Variants in FYB1 observed in about 807,000 individuals in gnomAD.
FYB1 encodes the protein FYN binding protein 1.
In FYB1, 41 loss-of-function variants were observed where a neutral mutation model predicts 94.1. The observed-to-expected ratio is 0.44, with a 90% CI of 0.34 to 0.57. The LOEUF is 0.57. Ranked by LOEUF, FYB1 falls within the 20% of genes least tolerant of loss-of-function variation. FYB1 has a pLI of 0.02. For synonymous variants in FYB1, 367 were observed against 353.2 expected (o/e 1.04, Z -0.44); for missense variants, 1,050 against 976.8 (o/e 1.07, Z -1.00).
rs1158866608 is a variant in FYB1, at chr5:39,202,923, T to A, written c.38A>T (p.Asp13Val). The change falls in exon 2 of 19, where the codon GAT (aspartate) becomes GTT (valine). Residue 13 changes from aspartate to valine, a missense_variant. Asp to Val is a radical substitution (Grantham distance 152). Transcript: ENST00000512982. ...GAAGGGTCGGCTATTGACTGAGACA[T>A]CCTCTGTCGGGTTGCCCCCCGTGTT... is the stretch of plus-strand genomic sequence containing the variant. ...KYNTGGNPTE[D>V]VSVNSRPFRV... 1.9e-6 allele frequency: 3 copies of A among 1,613,854 alleles called. No homozygotes were observed. The Admixed American group carries it at 5.0e-5, about 27-fold the overall frequency.
At chr5:39,115,337 C>T (rs1373337327) in intron 16 of FYB1, among the ~76,000 whole-genome samples, 2 of 151,970 alleles carry the variant, frequency 1.3e-5, no homozygotes, top group East Asian at 1.9e-4. Context: ...TAAAGTGATC[C>T]GCCCACCTCC....
intron 1 of FYB1, among the ~76,000 whole-genome samples, chr5:39,242,970 C>T (rs1751285807): frequency 1.3e-5 from 2 of 152,246 alleles, no homozygotes; most frequent in South Asian, 4.1e-4. Flanking sequence ...ATCCTTTGCC[C>T]ACTTTTTGAT....
upstream of FYB1, among the ~76,000 whole-genome samples, chr5:39,222,225 T>G (rs1459894432): frequency 6.6e-6 from 1 of 152,130 alleles, no homozygotes; most frequent in African/African-American, 2.4e-5. Context: ...TCTGGCGTCT[T>G]GTACTCTCTC....
intron 1 of FYB1, among the ~76,000 whole-genome samples, chr5:39,233,706 T>C (rs1026424324): frequency 1.3e-5 from 2 of 152,158 alleles, no homozygotes; most frequent in Non-Finnish European, 2.9e-5. Context: ...AGCTGTATCC[T>C]GATGTTTGCT....
At chr5:39,126,796 C>T (rs191769743) in intron 11 of FYB1, among the ~76,000 whole-genome samples, 2 of 150,860 alleles carry the variant, frequency 1.3e-5, no homozygotes, top group African/African-American at 4.9e-5. Flanking sequence ...CAGTGGCTCA[C>T]GCCTGTAATC....
At chr5:39,200,736 T>C (rs878909715) in intron 2 of FYB1, among the ~76,000 whole-genome samples, 1 of 152,178 alleles carries the variant, frequency 6.6e-6, no homozygotes, top group Non-Finnish European at 1.5e-5. Context: ...AGATAACATA[T>C]CGCAAGATGT....
intron 9 of FYB1, 113 bp from the exon 10 acceptor site, chr5:39,130,725 G>T: frequency 1.2e-6 from 1 of 841,424 alleles, no homozygotes; most frequent in Non-Finnish European, 1.9e-6. Flanking sequence ...CCAGTCGAAA[G>T]TTCTTAGAAT....
intron 15 of FYB1, among the ~76,000 whole-genome samples, 194 bp downstream of exon 15, chr5:39,119,340 TA>T (rs1007784028): frequency 6.6e-6 from 1 of 152,104 alleles, no homozygotes; most frequent in Admixed American, 6.6e-5. Context: ...AAAATAAATT[TA>T]AATCTAAAAT....
At chr5:39,123,913 T>C (rs1740371356) in intron 13 of FYB1, among the ~76,000 whole-genome samples, 2 of 152,182 alleles carry the variant, frequency 1.3e-5, no homozygotes, top group Non-Finnish European at 2.9e-5. Flanking sequence ...TGGAATGTTT[T>C]TAGATATCCT....
chr5:39,159,732 C>A (rs11739971), intron 2 of FYB1, among the ~76,000 whole-genome samples: 85,764 of 152,032 alleles, frequency 0.56, 28,215 homozygotes, highest in South Asian at 0.73. Context: ...TTCCTCCTTG[C>A]ACATTCTAAC....
intron 11 of FYB1, among the ~76,000 whole-genome samples, chr5:39,126,347 T>C (rs1740668663): frequency 6.7e-6 from 1 of 150,134 alleles, no homozygotes; most frequent in African/African-American, 2.5e-5. Flanking sequence ...CATTTTTTTT[T>C]CTATCAAGTG....
At position 39,202,048 on chromosome 5, in the gene FYB1, C is replaced by T. The variant is rs778631389; in HGVS notation, c.913G>A (p.Ala305Thr). The T allele has an allele frequency of 4.1e-5, 66 of 1,613,908 alleles. 1 individual carries two copies. The highest frequency in any genetic ancestry group is 1.6e-4 in the Middle Eastern group (1 of 6,084). Residue 305 changes from alanine (A) to threonine (T), a missense_variant, in exon 2 of 19, where the codon GCC becomes ACC. Coordinates refer to ENST00000512982, the MANE Select transcript of FYB1 (RefSeq NM_001465.6). ...AACCTGGCAGGAGGAGTCCCTGAGG[C>T]CAACTCTTCCTGATTTATTTTGCTC... is the stretch of plus-strand genomic sequence containing the variant. ...FQSKINQEEL[A>T]SGTPPARFPK...
rs561333919 is a variant in FYB1 at position 39,190,922 on chromosome 5, T to C, written c.1135+10904A>G. The stretch of plus-strand genomic sequence containing the variant: ...AGCTGCAATCTAGATCCTCAATGAC[T>C]GAGAGCACATGAGGCAACCTCAACT... On this transcript the variant is annotated intron_variant, in intron 2 of 18. Coordinates refer to ENST00000512982, the MANE Select transcript of FYB1 (RefSeq NM_001465.6). 2.6e-5 allele frequency among the ~76,000 whole-genome samples: 4 copies of C among 152,118 alleles called. No homozygotes were observed. The South Asian group carries it at 8.3e-4, about 32-fold the overall frequency.
At chr5:39,187,778 T>C (rs1409480626) in intron 2 of FYB1, among the ~76,000 whole-genome samples, 1 of 152,158 alleles carries the variant, frequency 6.6e-6, no homozygotes, top group East Asian at 1.9e-4. Context: ...ATTTTCAAAG[T>C]CTATTTGTTG....
At chr5:39,125,363 G>T (rs990906516) in intron 12 of FYB1, among the ~76,000 whole-genome samples, 1 of 151,960 alleles carries the variant, frequency 6.6e-6, no homozygotes, top group Non-Finnish European at 1.5e-5. Context: ...TTATACTAAA[G>T]GATTATTTTT....
intron 2 of FYB1, among the ~76,000 whole-genome samples, chr5:39,168,355 C>G (rs571862639): frequency 6.6e-6 from 1 of 151,988 alleles, no homozygotes; most frequent in South Asian, 2.1e-4. Context: ...CACTTGTTAG[C>G]CTGAGACAAG....
At position 39,122,322 on chromosome 5, in the gene FYB1, A is replaced by G; in HGVS notation, c.2138+14T>C. 6.6e-7 allele frequency: 1 copy of G among 1,509,452 alleles called. No homozygotes were observed. 93.5% of individuals were successfully genotyped at this position (1,509,452 alleles called of 1,614,324 possible). A position where few individuals can be genotyped will look rare whatever the true frequency, so the allele number is the denominator to read the frequency against. On this transcript the variant is annotated intron_variant, in intron 14 of 18. Transcript: ENST00000512982. ...ATTTTCATTACTTCATTGTAATGAA[A>G]GCATTTTAATTACCTCATCTCTGCT...
At position 39,106,358 on chromosome 5, in the gene FYB1, T is replaced by C. The variant is rs1580274354; in HGVS notation, c.*1085A>G. On this transcript the variant is annotated 3_prime_UTR_variant, in exon 19 of 19. Coordinates refer to ENST00000512982, the MANE Select transcript of FYB1 (RefSeq NM_001465.6). ...TTTTCTTGGGTGTTAGCATTTTTCATTTTTTAAATCATGCTATTTAGTGTT... is the reference window on the plus strand; with the variant it reads ...TTTTCTTGGGTGTTAGCATTTTTCACTTTTTAAATCATGCTATTTAGTGTT... 6.6e-6 allele frequency: 1 copy of C among 152,282 alleles called. No individual in the cohort carries two copies. Among genetic ancestry groups the C allele is most frequent in the South Asian group, 2.1e-4 (1 of 4,824 alleles). 9.4% of individuals were successfully genotyped at this position (152,282 alleles called of 1,614,324 possible). A position where few individuals can be genotyped will look rare whatever the true frequency, so the allele number is the denominator to read the frequency against.
At chr5:39,127,171 T>C (rs1740757086) in intron 11 of FYB1, among the ~76,000 whole-genome samples, 1 of 151,156 alleles carries the variant, frequency 6.6e-6, no homozygotes, top group African/African-American at 2.4e-5. Context: ...TGTTTATAAA[T>C]TGTTATAATT....
Sources: allele counts gnomAD v4.1 joint callset (sites outside exome capture counted in the v4.1 genomes callset), GRCh38; gene constraint gnomAD v4.1.1; transcripts MANE v1.5; gene names NCBI Gene and HGNC (gene_info 2026-07-23, HGNC 2026-07-21).